The following CDK20 variants were observed in gnomAD, a reference collection of about 807,000 sequenced individuals.
The protein encoded by CDK20 is cyclin dependent kinase 20.
In CDK20, 40 loss-of-function variants were observed where a neutral mutation model predicts 38.6. The ratio of observed to expected loss-of-function variants is 1.04; its 90% CI spans 0.81 to 1.35. The LOEUF (loss-of-function observed/expected upper bound fraction) is 1.35. CDK20 is among the 40% of genes most tolerant of loss of function. The pLI is 0.00. For missense variants in CDK20, 512 were observed against 452.6 expected (o/e 1.13, Z -1.19); for synonymous variants, 209 against 185.7 (o/e 1.13, Z -1.02).
chr9:87,970,525 T>C lies in CDK20; in HGVS notation c.563+43A>G, dbSNP rs776700800. The C allele has an allele frequency of 2.0e-5, 31 of 1,570,094 alleles. No individual in the cohort carries two copies. The South Asian group carries it at 2.0e-4, about 10-fold the overall frequency. ...CAGAGACCTCAGAGCCTAGCAGAAA[T>C]CCATGAGCCATGTTACCCTTTGACC... On this transcript the variant is annotated intron_variant, in intron 5 of 7. Transcript: ENST00000325303.
intron 1 of CDK20, 22 bp downstream of exon 1, chr9:87,974,350 G>GCCGGCCGCGGT: frequency 3.1e-6 from 5 of 1,608,328 alleles, no homozygotes; most frequent in Non-Finnish European, 4.2e-6. Flanking sequence ...CCGCCAGGCT[G>GCCGGCCGCGGT]CCGGCCGCGG....
Position 87,971,350 on chromosome 9 carries a change from T to C in CDK20, c.190-15A>G. ...AGTTGTACCACCTGTGGGCAGGACA[T>C]CTTGTTAGCCCCCAGACTCAAGTCA... On this transcript the variant is annotated splice_polypyrimidine_tract_variant and intron_variant, in intron 2 of 7. Coordinates refer to ENST00000325303, the MANE Select transcript of CDK20 (RefSeq NM_001039803.3). The C allele has an allele frequency of 6.2e-7, 1 of 1,601,704 alleles. No individual in the cohort carries two copies. Among genetic ancestry groups the C allele is most frequent in the South Asian group, 1.1e-5 (1 of 89,426 alleles).
In CDK20 at chr9:87,970,568, C is replaced by G. The variant is rs753179373; in HGVS notation, c.563G>C (p.Trp188Ser). The G allele has an allele frequency of 6.2e-7, 1 of 1,613,884 alleles. No homozygotes were observed. The highest frequency in any genetic ancestry group is 8.5e-7 in the Non-Finnish European group (1 of 1,179,882). ...ARQYDQGVDLWSVGCIMGELL... is the reference protein window; with the variant it reads ...ARQYDQGVDLSSVGCIMGELL... Reference sequence around the variant, plus strand: ...CTTTGACCACCCACAGGGGTCTCACCACAGATCGACGCCCTGGTCATACTG... The same window carrying G: ...CTTTGACCACCCACAGGGGTCTCACGACAGATCGACGCCCTGGTCATACTG... Residue 188 changes from tryptophan (W) to serine (S), a missense_variant and splice_region_variant, in exon 5 of 8, where the codon TGG becomes TCG. By Grantham distance (177) the Trp-to-Ser change is radical. Coordinates refer to ENST00000325303, the MANE Select transcript of CDK20 (RefSeq NM_001039803.3).
chr9:87,969,875 AG>A lies in CDK20; in HGVS notation c.607del (p.Leu203PhefsTer104). Reference protein sequence around the residue: ...IMGELLNGSPLFPGKNDIEQL... With the variant: ...IMGELLNGSPXFPGKNDIEQL... ...TTCAATATCGTTCTTGCCCGGGAAA[AG>A]GGGGGACCCATTCAACAGCTCCCCC... On this transcript the variant is annotated frameshift_variant, in exon 6 of 8. Coordinates refer to ENST00000325303, the MANE Select transcript of CDK20 (RefSeq NM_001039803.3). LOFTEE classifies it high-confidence loss of function. The A allele has an allele frequency of 6.2e-7, 1 of 1,603,086 alleles. No homozygotes were observed. The highest frequency in any genetic ancestry group is 8.5e-7 in the Non-Finnish European group (1 of 1,174,068).
At chr9:87,969,503 C>T (rs1829698812) in intron 6 of CDK20, 154 bp from the exon 7 acceptor site, 2 of 848,366 alleles carry the variant, frequency 2.4e-6, no homozygotes, top group Non-Finnish European at 3.6e-6. Flanking sequence ...CACTCACCCA[C>T]CCCTGTATTC....
chr9:87,970,679 G>A (rs1364506346), intron 4 of CDK20, 49 bp from the exon 5 acceptor site: 2 of 1,613,416 alleles, frequency 1.2e-6, no homozygotes, highest in Non-Finnish European at 1.7e-6. Flanking sequence ...AGGATGCCTG[G>A]GGAGGTGACC....
At position 87,967,274 on chromosome 9, in the gene CDK20, C is replaced by T. The variant is rs1166446277; in HGVS notation, c.*188G>A. On this transcript the variant is annotated 3_prime_UTR_variant, in exon 8 of 8. Coordinates refer to ENST00000325303, the MANE Select transcript of CDK20 (RefSeq NM_001039803.3). ...AATCTCCTCTGCTCGACTGGATGTT[C>T]TCATACTCTTGGCTGGGAACATGAC... The T allele has an allele frequency of 1.4e-6, 1 of 711,910 alleles. No homozygotes were observed. The highest frequency in any genetic ancestry group is 1.5e-5 in the South Asian group (1 of 67,042). 44.1% of individuals were successfully genotyped at this position (711,910 alleles called of 1,614,324 possible).
At chr9:87,974,270 A>G (rs1830074423) in intron 1 of CDK20, 102 bp downstream of exon 1, 3 of 1,325,192 alleles carry the variant, frequency 2.3e-6, no homozygotes, top group Non-Finnish European at 3.1e-6. Flanking sequence ...GGTTTTAAAA[A>G]CTGTACTGGA....
chr9:87,971,364 A>G (rs755157231), intron 2 of CDK20, 29 bp from the exon 3 acceptor site: 6 of 1,586,948 alleles, frequency 3.8e-6, no homozygotes, highest in Non-Finnish European at 4.3e-6. Context: ...GTTAGCCCCC[A>G]GACTCAAGTC....
chr9:87,969,233 G>A lies in CDK20; in HGVS notation c.804C>T (p.Phe268=). ...TGCGCTGGTGAGGAGGGTAGAGAAG[G>A]AATTGACCCAGCAGATCCAATGCCT... ...SPQALDLLGQ[F]LLYPPHQRIA... Residue 268 remains phenylalanine, a synonymous_variant, in exon 7 of 8, where the codon TTC becomes TTT. Transcript: ENST00000325303. The A allele has an allele frequency of 6.2e-7, 1 of 1,614,078 alleles. No homozygotes were observed. The highest frequency in any genetic ancestry group is 8.5e-7 in the Non-Finnish European group (1 of 1,179,974).
chr9:87,970,676 C>A (rs756013492), intron 4 of CDK20, 46 bp from the exon 5 acceptor site: 1 of 1,613,422 alleles, frequency 6.2e-7, no homozygotes, highest in African/African-American at 1.3e-5. Context: ...AAAAGGATGC[C>A]TGGGGAGGTG....
intron 6 of CDK20, 92 bp from the exon 7 acceptor site, chr9:87,969,441 T>A (rs538068226): frequency 9.2e-5 from 126 of 1,371,292 alleles, no homozygotes; most frequent in South Asian, 3.9e-4. Context: ...TAACACACAC[T>A]CACATGGGGG....
intron 5 of CDK20, 127 bp downstream of exon 5, chr9:87,970,441 A>AG (rs1246822615): frequency 2.3e-6 from 2 of 854,032 alleles, no homozygotes; most frequent in African/African-American, 3.4e-5. Context: ...TACCCCAACC[A>AG]GGGAAGACAC....
intron 2 of CDK20, among the ~76,000 whole-genome samples, chr9:87,973,162 C>A (rs1178846851): frequency 6.6e-6 from 1 of 152,174 alleles, no homozygotes; most frequent in Non-Finnish European, 1.5e-5. Flanking sequence ...TGTTAACTCT[C>A]CAGGGAGTCA....
intron 4 of CDK20, 69 bp from the exon 5 acceptor site, chr9:87,970,699 C>T (rs1208918295): frequency 1.2e-6 from 2 of 1,612,628 alleles, no homozygotes; most frequent in East Asian, 2.2e-5. Context: ...CCCAGCCCCA[C>T]AAGCAATGTC....
chr9:87,968,867 A>G lies in CDK20; in HGVS notation c.843+327T>C, dbSNP rs553246031. The G allele has an allele frequency of 3.3e-5, 11 of 336,708 alleles. No homozygotes were observed. In the Middle Eastern group the frequency reaches 2.7e-3, roughly 81 times the overall value. The allele number at this position is 336,708 out of a possible 1,614,324, so 20.9% of individuals were successfully genotyped here. ...TAATGGAATAAAGGAATGAGTCCCCAGTGACTCTCTTACTGTATCTGCCAC... is the reference window on the plus strand; with the variant it reads ...TAATGGAATAAAGGAATGAGTCCCCGGTGACTCTCTTACTGTATCTGCCAC... On this transcript the variant is annotated intron_variant, in intron 7 of 7. Transcript: ENST00000325303.
intron 4 of CDK20, 61 bp from the exon 5 acceptor site, chr9:87,970,691 C>T: frequency 6.2e-7 from 1 of 1,613,090 alleles, no homozygotes. Flanking sequence ...GAGGTGACCC[C>T]AGCCCCACAA....
Position 87,970,614 on chromosome 9 carries a change from C to T in CDK20, c.517G>A (p.Glu173Lys), listed in dbSNP as rs748082212. Residue 173 changes from glutamate (E) to lysine (K), a missense_variant, in exon 5 of 8, where the codon GAG becomes AAG. By Grantham distance (56) the Glu-to-Lys change is moderately conservative. Coordinates refer to ENST00000325303, the MANE Select transcript of CDK20 (RefSeq NM_001039803.3). The stretch of plus-strand genomic sequence containing the variant: ...TACTGGCGGGCACCATACAGGAGCT[C>T]GGGGGCTCGGTACCACCTGCGAGGA... ...QVATRWYRAPELLYGARQYDQ... is the reference protein window; with the variant it reads ...QVATRWYRAPKLLYGARQYDQ... 2.1e-5 allele frequency: 34 copies of T among 1,613,870 alleles called. No individual in the cohort carries two copies. Among genetic ancestry groups the T allele is most frequent in the South Asian group, 3.3e-5 (3 of 91,082 alleles).
chr9:87,969,973 C>T, intron 5 of CDK20, 54 bp from the exon 6 acceptor site: 3 of 1,510,580 alleles, frequency 2.0e-6, no homozygotes, highest in Non-Finnish European at 2.7e-6. Context: ...GGACCACAGA[C>T]CCACCCACAG....
Sources: allele counts gnomAD v4.1 joint callset (sites outside exome capture counted in the v4.1 genomes callset), GRCh38; gene constraint gnomAD v4.1.1; transcripts MANE v1.5; gene names NCBI Gene and HGNC (gene_info 2026-07-23, HGNC 2026-07-21).